RYR1: variants seen among roughly 807,000 people sequenced by gnomAD.
RYR1 encodes the protein ryanodine receptor 1, also known as central core disease of muscle.
Under a neutral mutation model 583.5 loss-of-function variants are expected in RYR1, and 342 were observed. The observed-to-expected ratio is 0.59, with a 90% CI of 0.54 to 0.64. RYR1 has a LOEUF of 0.64. Among genes scored for constraint, RYR1 ranks in the 30% least tolerant of loss-of-function variants. RYR1 has a pLI of 0.00. For missense variants in RYR1, 6,032 were observed against 6,917.2 expected (o/e 0.87, Z 4.54); for synonymous variants, 2,791 against 2,822.5 (o/e 0.99, Z 0.35).
rs1362655044 is a variant in RYR1, at chr19:38,543,953, G to T, written c.12012+78G>T. 6.5e-6 allele frequency: 9 copies of T among 1,391,766 alleles called. No individual in the cohort carries two copies. Among genetic ancestry groups the T allele is most frequent in the Non-Finnish European group, 1.0e-6 (1 of 1,003,688 alleles). The allele number at this position is 1,391,766 out of a possible 1,614,324, so 86.2% of individuals were successfully genotyped here. A position where few individuals can be genotyped will look rare whatever the true frequency, so the allele number is the denominator to read the frequency against. Reference sequence around the variant, plus strand: ...TCCATTTCCAAGTCTTGCCCCTTTGGTCAGTTTGTCACCCGAGTGCTCCCG... The same window carrying T: ...TCCATTTCCAAGTCTTGCCCCTTTGTTCAGTTTGTCACCCGAGTGCTCCCG... On this transcript the variant is annotated intron_variant, in intron 87 of 105. Coordinates refer to ENST00000359596, the MANE Select transcript of RYR1 (RefSeq NM_000540.3). This position sits in a 1 kb window ranked among gnomAD's most constrained non-coding sequence, Gnocchi z 4.4.
chr19:38,485,539 A>T (rs1969234474), intron 33 of RYR1, 51 bp from the exon 34 acceptor site: 1 of 1,601,574 alleles, frequency 6.2e-7, no homozygotes, highest in Non-Finnish European at 8.5e-7. Context: ...GGCTTGACTG[A>T]TGCAGGAGGC....
chr19:38,470,437 TG>T (rs1448158127), intron 27 of RYR1, among the ~76,000 whole-genome samples: 1 of 121,478 alleles, frequency 8.2e-6, no homozygotes, highest in Non-Finnish European at 1.7e-5. Flanking sequence ...CCTGTCTCAT[TG>T]AAAAAAAAAA....
chr19:38,465,759 C>T (rs757498060), intron 23 of RYR1, among the ~76,000 whole-genome samples: 6 of 151,044 alleles, frequency 4.0e-5, no homozygotes, highest in South Asian at 2.1e-4. Flanking sequence ...AGTGAAACTC[C>T]GTATCAAAAA....
intron 33 of RYR1, among the ~76,000 whole-genome samples, chr19:38,484,521 TG>T (rs1233673795): frequency 1.4e-5 from 2 of 148,144 alleles, no homozygotes; most frequent in African/African-American, 4.9e-5. Flanking sequence ...GTCCCTCCTA[TG>T]TGCTAGGTAG....
intron 90 of RYR1, among the ~76,000 whole-genome samples, chr19:38,563,904 C>T (rs1973266324): frequency 1.3e-5 from 2 of 152,192 alleles, no homozygotes; most frequent in South Asian, 2.1e-4. Context: ...CTTTCTGGGC[C>T]TCCCTGTCCT....
rs1971797480 is a variant in RYR1, at chr19:38,532,740, G to A, written c.11259+4G>A. ...GGAGGTTGAGGTCTCCTTTGAGGTA[G>A]GTGGGCTCAGGAGGTCCTGGAGGGA... On this transcript the variant is annotated splice_donor_region_variant and intron_variant, in intron 78 of 105. Transcript: ENST00000359596. The A allele has an allele frequency of 6.2e-7, 1 of 1,613,906 alleles. No homozygotes were observed.
At chr19:38,473,879 A>G in intron 28 of RYR1, 108 bp downstream of exon 28, 1 of 779,990 alleles carries the variant, frequency 1.3e-6, no homozygotes, top group Middle Eastern at 3.8e-4. Context: ...GTAGACCCAT[A>G]TATGCTAAGT....
chr19:38,497,103 G>C lies in RYR1; in HGVS notation c.6891+149G>C, dbSNP rs1478504259. On this transcript the variant is annotated intron_variant, in intron 42 of 105. Transcript: ENST00000359596. The stretch of plus-strand genomic sequence containing the variant: ...CCAGAAGGAGACTAATTTGCAGGGA[G>C]AGAACGGCACCCAGTTGTTCATTCA... 1.8e-5 allele frequency: 13 copies of C among 707,870 alleles called. 1 individual carries two copies. The Admixed American group carries it at 2.7e-4, about 15-fold the overall frequency. 43.8% of individuals were successfully genotyped at this position (707,870 alleles called of 1,614,324 possible). A position where few individuals can be genotyped will look rare whatever the true frequency, so the allele number is the denominator to read the frequency against.
At chr19:38,464,400 A>G (rs1018102005) in intron 22 of RYR1, among the ~76,000 whole-genome samples, 3 of 151,820 alleles carry the variant, frequency 2.0e-5, no homozygotes, top group African/African-American at 7.3e-5. Context: ...AGAAAGAGAC[A>G]GGGAGACAGG....
chr19:38,544,121 G>T (rs1408501247), intron 87 of RYR1, among the ~76,000 whole-genome samples: 1 of 152,170 alleles, frequency 6.6e-6, no homozygotes. Flanking sequence ...GGTCTGACGT[G>T]TTGGCCCCGT....
At chr19:38,466,857 AC>A (rs1968139903) in intron 24 of RYR1, among the ~76,000 whole-genome samples, 1 of 151,420 alleles carries the variant, frequency 6.6e-6, no homozygotes, top group African/African-American at 2.4e-5. Context: ...GAAAGGACTG[AC>A]CCCTCCCCGA....
intron 27 of RYR1, among the ~76,000 whole-genome samples, chr19:38,472,494 C>T (rs1246180380): frequency 6.6e-6 from 1 of 152,134 alleles, no homozygotes; most frequent in Non-Finnish European, 1.5e-5. Flanking sequence ...AAGAAAATGA[C>T]TTTATTCATC....
chr19:38,473,985 C>A lies in RYR1; in HGVS notation c.4160+214C>A, dbSNP rs974003442. On this transcript the variant is annotated intron_variant, in intron 28 of 105. Coordinates refer to ENST00000359596, the MANE Select transcript of RYR1 (RefSeq NM_000540.3). ...TCCCCAAGAATATATAATTGGGTACCCTAGTATCTATATGGAGAACTCTAT... is the reference window on the plus strand; with the variant it reads ...TCCCCAAGAATATATAATTGGGTACACTAGTATCTATATGGAGAACTCTAT... Among the ~76,000 whole-genome samples, 21 of 152,234 alleles carry A rather than the reference C, an allele frequency of 1.4e-4. 1 individual carries two copies. The highest frequency in any genetic ancestry group is 1.0e-3 in the Admixed American group (16 of 15,302).
In RYR1 at chr19:38,495,127, G is replaced by C. The variant is rs187510204; in HGVS notation, c.6548+502G>C. Among the ~76,000 whole-genome samples the C allele has an allele frequency of 2.6e-3, 396 of 151,764 alleles. 5 individuals are homozygous for C. The highest frequency in any genetic ancestry group is 1.6e-3 in the Non-Finnish European group (112 of 67,888). On this transcript the variant is annotated intron_variant, in intron 39 of 105. Transcript: ENST00000359596. ...TCGGCCTCCCAAAGTGCTGGGATTA[G>C]AGACGTGAGCCACCACACCCAGCTG... is the stretch of plus-strand genomic sequence containing the variant.
Position 38,460,460 on chromosome 19 carries a change from C to T in RYR1, c.2446C>T (p.Pro816Ser), listed in dbSNP as rs761141862. 6.2e-6 allele frequency: 10 copies of T among 1,614,132 alleles called. No homozygotes were observed. In the Admixed American group the frequency reaches 1.7e-4, roughly 27 times the overall value. The change falls in exon 20 of 106, where the codon CCT becomes TCT. Residue 816 changes from proline (P) to serine (S), a missense_variant. By Grantham distance (74) the Pro-to-Ser change is moderately conservative. Around this residue, in one of 11 missense-constraint regions of RYR1, gnomAD observed 2,627 missense variants for 2,961.3 expected, o/e 0.89. Coordinates refer to ENST00000359596, the MANE Select transcript of RYR1 (RefSeq NM_000540.3). Reference protein sequence around the residue: ...GYAPCHEAVLPRERLHLEPIK... With the variant: ...GYAPCHEAVLSRERLHLEPIK... The stretch of plus-strand genomic sequence containing the variant: ...TGCTCCATGCCATGAGGCTGTGCTC[C>T]CTCGAGAGCGACTCCATCTTGAACC...
intron 38 of RYR1, among the ~76,000 whole-genome samples, chr19:38,494,133 C>T (rs992299310): frequency 6.6e-6 from 1 of 152,170 alleles, no homozygotes; most frequent in African/African-American, 2.4e-5. Context: ...AGCCCCACAG[C>T]ACCCTAGCCT....
At position 38,512,507 on chromosome 19, in the gene RYR1, A is replaced by G; in HGVS notation, c.9472+24A>G. 6.2e-7 allele frequency: 1 copy of G among 1,603,258 alleles called. No individual in the cohort carries two copies. Among genetic ancestry groups the G allele is most frequent in the Non-Finnish European group, 8.5e-7 (1 of 1,177,900 alleles). On this transcript the variant is annotated intron_variant, in intron 63 of 105. Transcript: ENST00000359596. The surrounding 1 kb of genome is among the most constrained non-coding windows in gnomAD (Gnocchi z 5.1). Reference sequence around the variant, plus strand: ...CCGTAAGGGCGCCTGACCCAAGGGCAGGTTGCGGGGAGTCAGTGTGGCCAA... The same window carrying G: ...CCGTAAGGGCGCCTGACCCAAGGGCGGGTTGCGGGGAGTCAGTGTGGCCAA...
chr19:38,519,379 G>T lies in RYR1; in HGVS notation c.10184G>T (p.Arg3395Leu), dbSNP rs543161252. ...AEAQEGELLVRDEFSVLCRDL... is the reference protein window; with the variant it reads ...AEAQEGELLVLDEFSVLCRDL... ...GCCCAGGAGGGCGAGCTGCTGGTGC[G>T]GGACGAGTTCTCTGTGCTCTGCCGG... The change falls in exon 67 of 106, where the codon CGG becomes CTG. Residue 3395 changes from arginine (R) to leucine (L), a missense_variant. Transcript: ENST00000359596. 14 of 1,606,622 alleles carry T rather than the reference G, an allele frequency of 8.7e-6. No homozygotes were observed. In the Admixed American group the frequency reaches 2.4e-4, roughly 27 times the overall value.
chr19:38,444,519 C>A lies in RYR1; in HGVS notation c.538-65C>A. On this transcript the variant is annotated intron_variant, in intron 6 of 105. Coordinates refer to ENST00000359596, the MANE Select transcript of RYR1 (RefSeq NM_000540.3). This position sits in a 1 kb window ranked among gnomAD's most constrained non-coding sequence, Gnocchi z 5.1. ...GGTATCCACCCTTGATTTCTGGCCT[C>A]TGACGCTGGGACTCTCGCCCACCCC... The A allele has an allele frequency of 7.0e-7, 1 of 1,420,064 alleles. No individual in the cohort carries two copies. 88.0% of individuals were successfully genotyped at this position (1,420,064 alleles called of 1,614,324 possible). A position where few individuals can be genotyped will look rare whatever the true frequency, so the allele number is the denominator to read the frequency against.
Sources: gnomAD v4.1 joint callset for allele counts (sites outside exome capture counted in the v4.1 genomes callset) on GRCh38, gnomAD v4.1.1 for gene constraint, gnomAD v4.1.1 regional missense constraint, Gnocchi (gnomAD v3.1) non-coding constraint, MANE v1.5 for transcripts, NCBI Gene and HGNC (gene_info 2026-07-23, HGNC 2026-07-21) for gene names.